The following SYT17 variants were observed in gnomAD, a reference collection of about 807,000 sequenced individuals.
The protein encoded by SYT17 is synaptotagmin 17.
A neutral mutation model predicts 46.7 loss-of-function variants in SYT17; 22 were observed. The ratio of observed to expected loss-of-function variants is 0.47; its 90% CI spans 0.34 to 0.67. SYT17 has a LOEUF of 0.67. SYT17 is among the 30% of genes least tolerant of loss of function. SYT17 has a pLI of 0.01. For synonymous variants in SYT17, 251 were observed against 248.4 expected (o/e 1.01, Z -0.10); for missense variants, 519 against 612.8 (o/e 0.85, Z 1.62).
chr16:19,168,688 C>G lies in SYT17; in HGVS notation c.15+27C>G. On this transcript the variant is annotated intron_variant, in intron 1 of 7. Transcript: ENST00000355377. The surrounding 1 kb of genome is among the most constrained non-coding windows in gnomAD (Gnocchi z 6.9). ...TAGGGCTGAGGCTGGGGGCAAGGTC[C>G]GGGGTGCGGGTAGGGGGTGCCGCGC... 6.7e-7 allele frequency: 1 copy of G among 1,492,204 alleles called. No individual in the cohort carries two copies. The highest frequency in any genetic ancestry group is 1.5e-5 in the African/African-American group (1 of 68,612). The allele number at this position is 1,492,204 out of a possible 1,614,324, so 92.4% of individuals were successfully genotyped here. A position where few individuals can be genotyped will look rare whatever the true frequency, so the allele number is the denominator to read the frequency against.
chr16:19,251,857 C>T, intron 7 of SYT17, among the ~76,000 whole-genome samples: 1 of 152,238 alleles, frequency 6.6e-6, no homozygotes, highest in Admixed American at 6.5e-5. Context: ...TGCGCATACA[C>T]AGGGCCACAC....
At chr16:19,226,528 C>T (rs915549123) in intron 7 of SYT17, among the ~76,000 whole-genome samples, 1 of 152,198 alleles carries the variant, frequency 6.6e-6, no homozygotes, top group African/African-American at 2.4e-5. Context: ...AGGCCTGTCA[C>T]CCATAGAGTC....
intron 5 of SYT17, among the ~76,000 whole-genome samples, chr16:19,201,480 A>G (rs1965460662): frequency 6.6e-6 from 1 of 152,016 alleles, no homozygotes; most frequent in African/African-American, 2.4e-5. Flanking sequence ...CACCCAAATC[A>G]CAGCAAAAGA....
intron 7 of SYT17, among the ~76,000 whole-genome samples, chr16:19,227,037 C>A (rs1966520243): frequency 2.0e-5 from 3 of 152,112 alleles, no homozygotes; most frequent in Admixed American, 6.5e-5. Flanking sequence ...ACTTTGGTGA[C>A]CCTGGGCAAG....
chr16:19,217,107 T>C lies in SYT17; in HGVS notation c.952-5938T>C, dbSNP rs186462637. On this transcript the variant is annotated intron_variant, in intron 5 of 7. Coordinates refer to ENST00000355377, the MANE Select transcript of SYT17 (RefSeq NM_016524.4). ...GTAAGATGATATCTCATTGTGGTTT[T>C]GATTTGCATTTCTCTAATAACCAGT... Among the ~76,000 whole-genome samples, 613 of 152,370 alleles carry C rather than the reference T, an allele frequency of 4.0e-3. 6 individuals carry two copies. Among genetic ancestry groups the C allele is most frequent in the African/African-American group, 0.014 (583 of 41,592 alleles).
rs1277563296 is a variant in SYT17 at position 19,168,618 on chromosome 16, C to T, written c.-29C>T. 3.2e-6 allele frequency: 5 copies of T among 1,540,870 alleles called. No homozygotes were observed. The highest frequency in any genetic ancestry group is 2.6e-5 in the East Asian group (1 of 39,070). On this transcript the variant is annotated 5_prime_UTR_variant, in exon 1 of 8. Transcript: ENST00000355377. This position sits in a 1 kb window ranked among gnomAD's most constrained non-coding sequence, Gnocchi z 6.9. Reference sequence around the variant, plus strand: ...AAAGTGGCCGTGGCGGCGCCATGCCCGGGCCGGAGTGAGTGCGCGCGGGCG... The same window carrying T: ...AAAGTGGCCGTGGCGGCGCCATGCCTGGGCCGGAGTGAGTGCGCGCGGGCG...
chr16:19,184,014 C>A lies in SYT17; in HGVS notation c.818C>A (p.Thr273Asn), dbSNP rs764367169. 9 of 1,614,136 alleles carry A rather than the reference C, an allele frequency of 5.6e-6. No individual in the cohort carries two copies. In the Middle Eastern group the frequency reaches 1.3e-3, roughly 237 times the overall value. The change falls in exon 5 of 8, where the codon ACC (threonine) becomes AAC (asparagine). Residue 273 changes from threonine (T) to asparagine (N), a missense_variant. Transcript: ENST00000355377. ...EIPFLEAQRR[T>N]LLLTVVDFDK... is the part of the protein sequence containing the mutation. ...CCCTTCCTGGAGGCCCAGAGGAGGA[C>A]CCTGCTCCTGACCGTGGTGGATTTT...
chr16:19,189,352 T>TC (rs1275075418), intron 5 of SYT17, among the ~76,000 whole-genome samples: 1 of 150,938 alleles, frequency 6.6e-6, no homozygotes, highest in African/African-American at 2.5e-5. Flanking sequence ...TTTTTTTTTT[T>TC]TTTTCTGAGA....
At chr16:19,241,329 G>T (rs1967102833) in intron 7 of SYT17, among the ~76,000 whole-genome samples, 1 of 152,122 alleles carries the variant, frequency 6.6e-6, no homozygotes, top group African/African-American at 2.4e-5. Context: ...GGTGGGGTGG[G>T]GGATTGGGGC....
intron 7 of SYT17, among the ~76,000 whole-genome samples, chr16:19,250,589 G>A (rs1182476057): frequency 6.6e-6 from 1 of 152,048 alleles, no homozygotes; most frequent in Non-Finnish European, 1.5e-5. Flanking sequence ...CCCAGGGCTG[G>A]TCTCGAACTC....
At chr16:19,231,908 C>G (rs180803009) in intron 7 of SYT17, among the ~76,000 whole-genome samples, 63 of 152,258 alleles carry the variant, frequency 4.1e-4, no homozygotes, top group African/African-American at 1.4e-3. Context: ...GTAAATTGGT[C>G]TAAGGGCTCT....
At chr16:19,169,283 G>C (rs888494289) in intron 1 of SYT17, among the ~76,000 whole-genome samples, 2 of 143,910 alleles carry the variant, frequency 1.4e-5, no homozygotes, top group Non-Finnish European at 3.0e-5. Flanking sequence ...TCCTTGGGCT[G>C]AAATAATTCT....
chr16:19,208,754 A>G (rs1021748452), intron 5 of SYT17, among the ~76,000 whole-genome samples: 1 of 152,014 alleles, frequency 6.6e-6, no homozygotes, highest in African/African-American at 2.4e-5. Context: ...CTCTGCCTTC[A>G]TCTTCACGTG....
rs117314738 is a variant in SYT17 at position 19,224,862 on chromosome 16, T to C, written c.1228+24T>C. ...AGGTAGGTAGCATTCCAAAACCCGATGAACTCCAGGTGAGGCACGTCAAAC... is the reference window on the plus strand; with the variant it reads ...AGGTAGGTAGCATTCCAAAACCCGACGAACTCCAGGTGAGGCACGTCAAAC... On this transcript the variant is annotated intron_variant, in intron 7 of 7. Coordinates refer to ENST00000355377, the MANE Select transcript of SYT17 (RefSeq NM_016524.4). The C allele has an allele frequency of 5.5e-5, 89 of 1,612,962 alleles. No homozygotes were observed. The East Asian group carries it at 1.9e-3, about 34-fold the overall frequency.
chr16:19,264,522 C>T (rs536468135), intron 7 of SYT17, among the ~76,000 whole-genome samples: 158 of 151,996 alleles, frequency 1.0e-3, no homozygotes, highest in African/African-American at 3.7e-3. Context: ...TGCTGTGAAC[C>T]ACCCCAAAAT....
At chr16:19,258,054 G>A (rs930599641) in intron 7 of SYT17, among the ~76,000 whole-genome samples, 2 of 151,758 alleles carry the variant, frequency 1.3e-5, no homozygotes, top group Non-Finnish European at 2.9e-5. Context: ...CTAAATTAGC[G>A]ACCAAATAAT....
chr16:19,252,448 CACATATAT>C lies in SYT17; in HGVS notation c.1229-14422_1229-14415del, dbSNP rs1282484448. On this transcript the variant is annotated intron_variant, in intron 7 of 7. Coordinates refer to ENST00000355377, the MANE Select transcript of SYT17 (RefSeq NM_016524.4). ...ATATACATATATATACATATATATA[CACATATAT>C]ACATATATATATACATATATATATA... 1.1e-4 allele frequency among the ~76,000 whole-genome samples: 2 copies of C among 17,772 alleles called. 1 individual carries two copies. The highest frequency in any genetic ancestry group is 1.3e-3 in the African/African-American group (2 of 1,556). 11.7% of individuals were successfully genotyped at this position (17,772 alleles called of 152,430 possible). A position where few individuals can be genotyped will look rare whatever the true frequency, so the allele number is the denominator to read the frequency against.
intron 5 of SYT17, among the ~76,000 whole-genome samples, chr16:19,208,267 A>G (rs1258568911): frequency 6.6e-6 from 1 of 152,208 alleles, no homozygotes; most frequent in East Asian, 1.9e-4. Flanking sequence ...GGCTTGAAGA[A>G]CATAAATTTA....
At chr16:19,174,843 G>A (rs1044932105) in intron 3 of SYT17, among the ~76,000 whole-genome samples, 1 of 152,188 alleles carries the variant, frequency 6.6e-6, no homozygotes, top group African/African-American at 2.4e-5. Flanking sequence ...CTGGCTGGGC[G>A]CAGTGGCTCA....
Sources: gnomAD v4.1 joint callset for allele counts (sites outside exome capture counted in the v4.1 genomes callset) on GRCh38, gnomAD v4.1.1 for gene constraint, Gnocchi (gnomAD v3.1) non-coding constraint, MANE v1.5 for transcripts, NCBI Gene and HGNC (gene_info 2026-07-23, HGNC 2026-07-21) for gene names.